The following SIPA1L3 variants were observed in gnomAD, a reference collection of about 807,000 sequenced individuals.
SIPA1L3 encodes signal induced proliferation associated 1 like 3.
A neutral mutation model predicts 150.1 loss-of-function variants in SIPA1L3; 59 were observed. That is an observed-to-expected ratio of 0.39 (90% CI 0.32 to 0.49). SIPA1L3 has a LOEUF of 0.49. SIPA1L3 is among the 20% of genes least tolerant of loss of function. The probability of loss-of-function intolerance (pLI) is 0.86; values close to 1 mark genes in which losing one functional copy is unlikely to be tolerated. For synonymous variants in SIPA1L3, 1,070 were observed against 1,077.6 expected, an observed-to-expected ratio of 0.99 and a Z score of 0.14; for missense variants, 2,211 against 2,489.5, an observed-to-expected ratio of 0.89 and a Z score of 2.38.
At chr19:38,014,428 G>A (rs997641790) in intron 1 of SIPA1L3, among the ~76,000 whole-genome samples, 17 of 152,040 alleles carry the variant, frequency 1.1e-4, no homozygotes, top group African/African-American at 3.4e-4. Context: ...ATCAGATCTC[G>A]GGCTGTGTTC....
At chr19:37,918,871 AAAATAAATAAATAAAT>A (rs56883776) in intron 1 of SIPA1L3, among the ~76,000 whole-genome samples, 37 of 140,310 alleles carry the variant, frequency 2.6e-4, no homozygotes, top group Admixed American at 1.2e-3. Context: ...ACTCGGTCTC[AAAATAAATAAATAAAT>A]AAATAAATAA....
At chr19:38,130,915 A>G in intron 10 of SIPA1L3, 143 bp downstream of exon 10, 3 of 847,556 alleles carry the variant, frequency 3.5e-6, no homozygotes, top group Non-Finnish European at 5.4e-6. Context: ...CAACAGTGAC[A>G]GGACGGGGAG....
chr19:38,155,361 C>G (rs902682224), intron 13 of SIPA1L3, among the ~76,000 whole-genome samples: 4 of 152,190 alleles, frequency 2.6e-5, no homozygotes, highest in Non-Finnish European at 4.4e-5. Flanking sequence ...CAGGCGCGAG[C>G]CACCGCACCC....
At chr19:38,133,841 G>A (rs950442388) in intron 10 of SIPA1L3, among the ~76,000 whole-genome samples, 1 of 152,156 alleles carries the variant, frequency 6.6e-6, no homozygotes, top group African/African-American at 2.4e-5. Flanking sequence ...TGTAAAGCAC[G>A]TAGGACAGGC....
chr19:38,053,164 A>C (rs190553255), intron 2 of SIPA1L3, among the ~76,000 whole-genome samples: 9 of 152,318 alleles, frequency 5.9e-5, no homozygotes, highest in African/African-American at 2.2e-4. Context: ...GGGGAGATGG[A>C]AGGTGCCCAG....
intron 1 of SIPA1L3, among the ~76,000 whole-genome samples, chr19:37,920,754 A>C (rs1251128475): frequency 6.6e-6 from 1 of 152,182 alleles, no homozygotes; most frequent in Admixed American, 6.5e-5. Flanking sequence ...ACTTGGCCCA[A>C]GGCTTTGGAA....
At chr19:38,084,377 T>C (rs1457899219) in intron 3 of SIPA1L3, among the ~76,000 whole-genome samples, 2 of 152,100 alleles carry the variant, frequency 1.3e-5, no homozygotes, top group Non-Finnish European at 2.9e-5. Flanking sequence ...TTTTTACTTG[T>C]GGAAAAATTC....
chr19:38,017,098 T>C (rs1037765720), intron 1 of SIPA1L3, among the ~76,000 whole-genome samples: 1 of 151,750 alleles, frequency 6.6e-6, no homozygotes, highest in Non-Finnish European at 1.5e-5. Context: ...GGTTTCACCA[T>C]GTTGGCCAGG....
At chr19:38,124,020 G>A (rs1971104244) in intron 9 of SIPA1L3, among the ~76,000 whole-genome samples, 1 of 150,454 alleles carries the variant, frequency 6.6e-6, no homozygotes, top group Admixed American at 6.6e-5. Context: ...GCCGGGCAGA[G>A]GGGCTCCTCA....
chr19:38,091,456 T>G (rs1970256055), intron 4 of SIPA1L3, among the ~76,000 whole-genome samples: 2 of 152,194 alleles, frequency 1.3e-5, no homozygotes, highest in South Asian at 4.1e-4. Flanking sequence ...GCAAATCTCC[T>G]TTATACTGTG....
chr19:37,986,572 G>T lies in SIPA1L3; in HGVS notation c.-378-42517G>T, dbSNP rs139916996. On this transcript the variant is annotated intron_variant, in intron 1 of 21. Coordinates refer to ENST00000222345, the MANE Select transcript of SIPA1L3 (RefSeq NM_015073.3). ...AGGATGTTTGTCGCCAGCGTTGGGG[G>T]CCTGTGTGGTGCCTCCACAAAAGGG... Among the ~76,000 whole-genome samples the T allele has an allele frequency of 9.8e-4, 150 of 152,336 alleles. 2 individuals are homozygous for T. In the East Asian group the frequency reaches 0.02, roughly 20 times the overall value.
At chr19:38,105,140 C>G (rs1970594644) in intron 6 of SIPA1L3, among the ~76,000 whole-genome samples, 1 of 151,804 alleles carries the variant, frequency 6.6e-6, no homozygotes, top group Admixed American at 6.6e-5. Context: ...GGTGGATCAC[C>G]TGAGGTCAGG....
At chr19:37,921,456 A>T (rs2046456854) in intron 1 of SIPA1L3, among the ~76,000 whole-genome samples, 1 of 152,056 alleles carries the variant, frequency 6.6e-6, no homozygotes, top group Non-Finnish European at 1.5e-5. Flanking sequence ...GTTGCATCTG[A>T]TGGTGAGCTC....
chr19:38,051,258 C>T (rs771224638), intron 2 of SIPA1L3, among the ~76,000 whole-genome samples: 1 of 152,178 alleles, frequency 6.6e-6, no homozygotes, highest in African/African-American at 2.4e-5. Context: ...CATGTTCTCA[C>T]GTTAGCATGT....
At chr19:38,176,052 C>T (rs1658836209) in intron 15 of SIPA1L3, among the ~76,000 whole-genome samples, 1 of 151,868 alleles carries the variant, frequency 6.6e-6, no homozygotes. Flanking sequence ...CTAAAAAATA[C>T]AAAAATTAGC....
chr19:38,058,333 G>A (rs527622614), intron 2 of SIPA1L3, among the ~76,000 whole-genome samples: 1 of 152,262 alleles, frequency 6.6e-6, no homozygotes, highest in Non-Finnish European at 1.5e-5. Flanking sequence ...GGGTGGGGCT[G>A]GAGTGCTCAT....
At chr19:37,939,195 C>T (rs971499745) in intron 1 of SIPA1L3, among the ~76,000 whole-genome samples, 1 of 152,050 alleles carries the variant, frequency 6.6e-6, no homozygotes, top group Admixed American at 6.6e-5. Context: ...ACCTGTTCTA[C>T]CCACTGTGCC....
At chr19:38,162,587 C>T (rs750115150) in intron 14 of SIPA1L3, among the ~76,000 whole-genome samples, 27 of 152,238 alleles carry the variant, frequency 1.8e-4, no homozygotes, top group East Asian at 3.8e-4. Context: ...CTCCTCGAGC[C>T]GCAGTTTCCT....
chr19:38,195,680 G>A (rs1022086256), intron 18 of SIPA1L3, among the ~76,000 whole-genome samples: 4 of 151,682 alleles, frequency 2.6e-5, no homozygotes, highest in Admixed American at 6.6e-5. Context: ...AGGCCGATCC[G>A]AATTCCTCCA....
Sources: gnomAD v4.1 joint callset for allele counts (sites outside exome capture counted in the v4.1 genomes callset) on GRCh38, gnomAD v4.1.1 for gene constraint, MANE v1.5 for transcripts, NCBI Gene and HGNC (gene_info 2026-07-23, HGNC 2026-07-21) for gene names.